The following PTPRG variants were observed in gnomAD, a reference collection of about 807,000 sequenced individuals.
PTPRG encodes the protein receptor-type tyrosine-protein phosphatase gamma.
In PTPRG, 102 loss-of-function variants were observed where a neutral mutation model predicts 165.3. That is an observed-to-expected ratio of 0.62 (90% confidence interval 0.53 to 0.73). The LOEUF is 0.73. PTPRG is among the 30% of genes least tolerant of loss of function. The pLI, the probability that PTPRG is intolerant of heterozygous loss-of-function variation, is 0.00. For missense variants in PTPRG, 1,866 were observed against 1,861.4 expected (o/e 1.00, Z -0.05); for synonymous variants, 675 against 669.5 (o/e 1.01, Z -0.13).
chr3:61,622,534 A>C (rs1018731643), intron 1 of PTPRG, among the ~76,000 whole-genome samples: 5 of 152,184 alleles, frequency 3.3e-5, no homozygotes, highest in Admixed American at 6.5e-5. Context: ...TCGGAATTTC[A>C]GACACTGCAG....
chr3:61,636,570 C>T (rs999851514), intron 1 of PTPRG, among the ~76,000 whole-genome samples: 1 of 152,210 alleles, frequency 6.6e-6, no homozygotes, highest in Non-Finnish European at 1.5e-5. Context: ...GATCTGCCTG[C>T]CTTGGCTTCC....
chr3:61,920,464 C>T (rs57217355), intron 2 of PTPRG, among the ~76,000 whole-genome samples: 3 of 152,156 alleles, frequency 2.0e-5, no homozygotes, highest in Admixed American at 6.6e-5. Flanking sequence ...GGCACAATCT[C>T]GGCTCACTGC....
At chr3:61,756,782 C>T (rs899195568) in intron 2 of PTPRG, among the ~76,000 whole-genome samples, 3 of 152,104 alleles carry the variant, frequency 2.0e-5, no homozygotes, top group Non-Finnish European at 4.4e-5. Flanking sequence ...TCAAGTGGTA[C>T]ATATCAGTGG....
At chr3:61,673,148 C>T (rs955853152) in intron 1 of PTPRG, among the ~76,000 whole-genome samples, 2 of 151,922 alleles carry the variant, frequency 1.3e-5, no homozygotes, top group Non-Finnish European at 2.9e-5. Context: ...GGCAACAGAG[C>T]GATACTCTGT....
At chr3:61,681,661 A>G (rs935007029) in intron 1 of PTPRG, among the ~76,000 whole-genome samples, 9 of 152,120 alleles carry the variant, frequency 5.9e-5, no homozygotes, top group African/African-American at 1.9e-4. Flanking sequence ...TGGAATTTCT[A>G]TAGGGTTTAG....
At chr3:61,662,490 G>A (rs533516984) in intron 1 of PTPRG, among the ~76,000 whole-genome samples, 3 of 152,308 alleles carry the variant, frequency 2.0e-5, no homozygotes, top group Non-Finnish European at 2.9e-5. Context: ...GAGAACCTGA[G>A]CCAGAAGCAA....
rs148934053 is a variant in PTPRG at position 62,158,316 on chromosome 3, A to G, written c.840+1092A>G. 7.6e-3 allele frequency among the ~76,000 whole-genome samples: 1,160 copies of G among 152,334 alleles called. 14 individuals carry two copies. The highest frequency in any genetic ancestry group is 0.027 in the African/African-American group (1,122 of 41,576). On this transcript the variant is annotated intron_variant, in intron 7 of 29. Coordinates refer to ENST00000474889, the MANE Select transcript of PTPRG (RefSeq NM_002841.4). Reference sequence around the variant, plus strand: ...ACAAAAAGTGTCAAATTTCTTCTGCATTATTCCCAAAAATAGAGCCAGGAA... The same window carrying G: ...ACAAAAAGTGTCAAATTTCTTCTGCGTTATTCCCAAAAATAGAGCCAGGAA...
chr3:61,692,203 C>G (rs1303225003), intron 1 of PTPRG, among the ~76,000 whole-genome samples: 1 of 152,206 alleles, frequency 6.6e-6, no homozygotes, highest in Non-Finnish European at 1.5e-5. Flanking sequence ...ACGTAAGTTG[C>G]AAATAGCATT....
At chr3:62,250,866 G>A (rs1204826833) in intron 15 of PTPRG, among the ~76,000 whole-genome samples, 1 of 151,960 alleles carries the variant, frequency 6.6e-6, no homozygotes, top group Non-Finnish European at 1.5e-5. Flanking sequence ...GTTTTGTTGT[G>A]GATTGAACAA....
At chr3:61,749,037 C>A in intron 2 of PTPRG, 55 bp downstream of exon 2, 1 of 1,386,090 alleles carries the variant, frequency 7.2e-7, no homozygotes, top group Non-Finnish European at 1.0e-6. Context: ...TCCCATTCAA[C>A]TCACTTGAAA....
At chr3:62,117,712 A>G (rs753985122) in intron 5 of PTPRG, among the ~76,000 whole-genome samples, 5 of 152,346 alleles carry the variant, frequency 3.3e-5, no homozygotes, top group South Asian at 2.1e-4. Context: ...TATTAATACT[A>G]TATCTACTAA....
intron 2 of PTPRG, among the ~76,000 whole-genome samples, chr3:61,826,606 C>T (rs1272139256): frequency 1.3e-5 from 2 of 151,910 alleles, no homozygotes; most frequent in South Asian, 2.1e-4. Context: ...GTAAGAATGG[C>T]CAGATGTTTG....
intron 2 of PTPRG, among the ~76,000 whole-genome samples, chr3:61,837,000 T>TC (rs1344629861): frequency 1.3e-5 from 2 of 152,088 alleles, no homozygotes; most frequent in Admixed American, 1.3e-4. Context: ...AGCCTTCACC[T>TC]CCTGGGTTAA....
At chr3:61,565,721 C>A (rs1699895863) in intron 1 of PTPRG, among the ~76,000 whole-genome samples, 1 of 149,922 alleles carries the variant, frequency 6.7e-6, no homozygotes, top group South Asian at 2.2e-4. Flanking sequence ...GGAAACAGTT[C>A]AGATGGATAA....
intron 5 of PTPRG, among the ~76,000 whole-genome samples, chr3:62,132,142 G>T (rs1350902511): frequency 6.6e-6 from 1 of 152,240 alleles, no homozygotes; most frequent in East Asian, 1.9e-4. Flanking sequence ...TTTTCACAGG[G>T]GACTGGGATC....
chr3:62,209,255 T>C (rs1167752374), intron 12 of PTPRG, among the ~76,000 whole-genome samples: 2 of 152,190 alleles, frequency 1.3e-5, no homozygotes, highest in Non-Finnish European at 2.9e-5. Context: ...TGGTGTCTCG[T>C]GGGTAGAGGC....
Position 61,748,952 on chromosome 3 carries a change from G to A in PTPRG, c.160G>A (p.Ala54Thr). The change falls in exon 2 of 30, where the codon GCT becomes ACT. Residue 54 changes from alanine (A) to threonine (T), a missense_variant. Ala to Thr is a moderately conservative substitution (Grantham distance 58, BLOSUM62 0). This residue lies in a region of PTPRG where 408 missense variants were observed against 376.2 expected (regional missense o/e 1.08). Transcript: ENST00000474889. ...GSAVQIRRRK[A>T]SGDPYWAYSG... ...CGCAGTGCAGATCCGCAGGCGCAAG[G>A]CTTCAGGCGACCCGTACTGGGCCTA... 1.2e-6 allele frequency: 2 copies of A among 1,611,906 alleles called. No individual in the cohort carries two copies. Among genetic ancestry groups the A allele is most frequent in the Non-Finnish European group, 1.7e-6 (2 of 1,179,048 alleles).
chr3:62,089,160 C>T (rs944155722), intron 5 of PTPRG, among the ~76,000 whole-genome samples: 2 of 152,196 alleles, frequency 1.3e-5, no homozygotes, highest in African/African-American at 2.4e-5. Flanking sequence ...ATAATGCCTG[C>T]CTGTCTCTTG....
intron 1 of PTPRG, among the ~76,000 whole-genome samples, chr3:61,682,115 C>CTT (rs1392478962): frequency 8.0e-6 from 1 of 124,672 alleles, no homozygotes; most frequent in Non-Finnish European, 1.6e-5. Context: ...TGTGACTGCA[C>CTT]TTGGGCCTGG....
Sources: gnomAD v4.1 joint callset for allele counts (sites outside exome capture counted in the v4.1 genomes callset) on GRCh38, gnomAD v4.1.1 for gene constraint, gnomAD v4.1.1 regional missense constraint, MANE v1.5 for transcripts, NCBI Gene and HGNC (gene_info 2026-07-23, HGNC 2026-07-21) for gene names.